The following ENTREP1 variants were observed in gnomAD, a reference collection of about 807,000 sequenced individuals.
ENTREP1 encodes the protein endosomal transmembrane epsin interactor 1, also known as Friedreich ataxia region gene X123.
chr9:69,352,329 G>T, the ENTREP1 span, among the ~76,000 whole-genome samples: 1 of 152,064 alleles, frequency 6.6e-6, no homozygotes, highest in Admixed American at 6.6e-5. Flanking sequence ...ATGTTGGCCA[G>T]GCTGGTCTCG....
the ENTREP1 span, among the ~76,000 whole-genome samples, chr9:69,364,629 C>T: frequency 6.6e-6 from 1 of 152,028 alleles, no homozygotes; most frequent in Non-Finnish European, 1.5e-5. Flanking sequence ...TCCCTGTAAA[C>T]CCTGAGTTCT....
the ENTREP1 span, among the ~76,000 whole-genome samples, chr9:69,390,327 A>G: frequency 6.6e-6 from 1 of 152,232 alleles, no homozygotes; most frequent in Non-Finnish European, 1.5e-5. Flanking sequence ...AGGTAACAAT[A>G]AAGCCCCAAG....
chr9:69,384,695 G>A, the ENTREP1 span, among the ~76,000 whole-genome samples: 1 of 152,162 alleles, frequency 6.6e-6, no homozygotes, highest in African/African-American at 2.4e-5. Flanking sequence ...CTTTGGGGAG[G>A]TTTTAAGTGG....
the ENTREP1 span, chr9:69,383,673 G>A: frequency 1.2e-6 from 2 of 1,614,110 alleles, no homozygotes; most frequent in Non-Finnish European, 1.7e-6. Flanking sequence ...CATCTACGGA[G>A]CTCGAATCAA....
At chr9:69,371,137 AT>A in the ENTREP1 span, 1 of 314,820 alleles carries the variant, frequency 3.2e-6, no homozygotes, top group Non-Finnish European at 6.1e-6. Flanking sequence ...AGAGTTCTGT[AT>A]TTGTTTATTT....
chr9:69,349,020 C>A, the ENTREP1 span, among the ~76,000 whole-genome samples: 1 of 151,264 alleles, frequency 6.6e-6, no homozygotes, highest in African/African-American at 2.4e-5. Context: ...CCTGTCTCTA[C>A]TAAAAATACA....
the ENTREP1 span, among the ~76,000 whole-genome samples, chr9:69,369,591 G>A: frequency 7.4e-6 from 1 of 135,986 alleles, no homozygotes; most frequent in African/African-American, 2.6e-5. Flanking sequence ...CAGAGATGAT[G>A]AGCTTTTTTT....
the ENTREP1 span, chr9:69,391,822 G>C: frequency 2.5e-6 from 4 of 1,570,124 alleles, no homozygotes; most frequent in East Asian, 2.3e-5. Context: ...AAGACAGAAG[G>C]CCACTCCAAG....
the ENTREP1 span, among the ~76,000 whole-genome samples, chr9:69,372,448 T>C: frequency 6.6e-6 from 1 of 152,236 alleles, no homozygotes; most frequent in Admixed American, 6.5e-5. Context: ...GTTTGTCTTT[T>C]TGTGACTGGA....
At chr9:69,328,337 A>G in the ENTREP1 span, among the ~76,000 whole-genome samples, 1 of 152,214 alleles carries the variant, frequency 6.6e-6, no homozygotes, top group Non-Finnish European at 1.5e-5. Flanking sequence ...TATCACAAGA[A>G]AATATAACCA....
chr9:69,388,167 T>A, the ENTREP1 span: 1 of 1,614,178 alleles, frequency 6.2e-7, no homozygotes, highest in Non-Finnish European at 8.5e-7. Context: ...GCTGCCCCAG[T>A]GCTCAGCTGT....
At chr9:69,383,562 C>T in the ENTREP1 span, 51 of 1,596,522 alleles carry the variant, frequency 3.2e-5, no homozygotes, top group East Asian at 2.2e-4. Context: ...AGCCAGTATC[C>T]GGGCATCACT....
At chr9:69,340,683 A>ATGTGTGTGTGTGTG in the ENTREP1 span, among the ~76,000 whole-genome samples, 1 of 27,118 alleles carries the variant, frequency 3.7e-5, no homozygotes, top group Non-Finnish European at 8.2e-5. Flanking sequence ...GTGTGCATGC[A>ATGTGTGTGTGTGTG]TGTGTGTGTG....
chr9:69,375,918 G>A, the ENTREP1 span: 11 of 1,560,244 alleles, frequency 7.1e-6, no homozygotes, highest in Admixed American at 1.8e-4. Context: ...AGCCCCCAAA[G>A]AAGGCAAACT....
the ENTREP1 span, among the ~76,000 whole-genome samples, chr9:69,352,625 C>T: frequency 6.6e-6 from 1 of 152,180 alleles, no homozygotes; most frequent in Non-Finnish European, 1.5e-5. Context: ...TGCCCAAGGT[C>T]ACATAGCTAG....
the ENTREP1 span, among the ~76,000 whole-genome samples, chr9:69,345,362 C>G: frequency 6.6e-6 from 1 of 152,190 alleles, no homozygotes; most frequent in African/African-American, 2.4e-5. Flanking sequence ...AGATTTGGGT[C>G]AGACCCAGAT....
the ENTREP1 span, chr9:69,384,086 G>GGT: frequency 7.6e-7 from 1 of 1,323,134 alleles, no homozygotes; most frequent in Non-Finnish European, 1.1e-6. Context: ...GGCTGGGCAA[G>GGT]GTGGCTTATC....
chr9:69,352,495 T>C, the ENTREP1 span, among the ~76,000 whole-genome samples: 1 of 152,114 alleles, frequency 6.6e-6, no homozygotes, highest in South Asian at 2.1e-4. Flanking sequence ...ATTGGTAATA[T>C]TTATAATAAT....
At chr9:69,383,928 G>A in the ENTREP1 span, 1 of 1,609,698 alleles carries the variant, frequency 6.2e-7, no homozygotes, top group Non-Finnish European at 8.5e-7. Context: ...AAATAACCCT[G>A]TTTTTTGCTG....
Sources: allele counts gnomAD v4.1 joint callset (sites outside exome capture counted in the v4.1 genomes callset), GRCh38; gene constraint gnomAD v4.1.1; transcripts MANE v1.5; gene names NCBI Gene and HGNC (gene_info 2026-07-23, HGNC 2026-07-21).